ZBBX: variants seen among roughly 807,000 people sequenced by gnomAD.
ZBBX encodes the protein zinc finger B-box domain-containing protein 1.
A neutral mutation model predicts 108.5 loss-of-function variants in ZBBX; 101 were observed. That is an observed-to-expected ratio of 0.93 (90% CI 0.79 to 1.10). The LOEUF (loss-of-function observed/expected upper bound fraction) is 1.10. Ranked by LOEUF, ZBBX falls within the 50% of genes least tolerant of loss-of-function variation. ZBBX has a pLI of 0.00. For missense variants in ZBBX, 1,009 were observed against 941.4 expected (o/e 1.07, Z -0.94); for synonymous variants, 356 against 323.4 (o/e 1.10, Z -1.08).
chr3:167,214,831 A>T, the ZBBX span, among the ~76,000 whole-genome samples: 32 of 152,340 alleles, frequency 2.1e-4, no homozygotes, highest in East Asian at 3.1e-3. Flanking sequence ...AAGACTAAGA[A>T]AATTGCTCAA....
intron 17 of ZBBX, among the ~76,000 whole-genome samples, chr3:167,301,072 C>A (rs1392417456): frequency 1.3e-5 from 2 of 152,104 alleles, no homozygotes; most frequent in African/African-American, 4.8e-5. Context: ...TCTCTCTCTC[C>A]TCCCACTCAT....
At chr3:167,210,237 G>A in the ZBBX span, among the ~76,000 whole-genome samples, 1 of 152,056 alleles carries the variant, frequency 6.6e-6, no homozygotes, top group African/African-American at 2.4e-5. Flanking sequence ...CAGAAATTAT[G>A]GAGTTGAAAA....
chr3:167,312,111 T>C (rs927297456), intron 16 of ZBBX, among the ~76,000 whole-genome samples: 36 of 151,960 alleles, frequency 2.4e-4, no homozygotes, highest in African/African-American at 8.5e-4. Flanking sequence ...CTAAAAGAAA[T>C]GAGAAATCAA....
the ZBBX span, among the ~76,000 whole-genome samples, chr3:167,192,562 G>GT: frequency 6.6e-6 from 1 of 151,984 alleles, no homozygotes; most frequent in East Asian, 1.9e-4. Flanking sequence ...CTCTTTAATC[G>GT]TATCCCTTTC....
intron 8 of ZBBX, among the ~76,000 whole-genome samples, chr3:167,358,935 CAAAAAAAAAAAAAAA>C (rs59753251): frequency 1.5e-4 from 10 of 66,240 alleles, no homozygotes; most frequent in African/African-American, 6.6e-4. Flanking sequence ...GACTCCATCT[CAAAAAAAAAAAAAAA>C]AAAAAAAAAA....
chr3:167,184,600 G>A, the ZBBX span, among the ~76,000 whole-genome samples: 1 of 152,092 alleles, frequency 6.6e-6, no homozygotes, highest in East Asian at 1.9e-4. Flanking sequence ...GTTACATTAA[G>A]CAGCCAGGTC....
At chr3:167,212,844 C>T in the ZBBX span, among the ~76,000 whole-genome samples, 1 of 152,142 alleles carries the variant, frequency 6.6e-6, no homozygotes, top group Non-Finnish European at 1.5e-5. Context: ...AGAGGAGTCA[C>T]AGAACTGAGC....
chr3:167,295,030 A>G (rs1225429292), intron 18 of ZBBX, among the ~76,000 whole-genome samples: 2 of 152,194 alleles, frequency 1.3e-5, no homozygotes, highest in African/African-American at 4.8e-5. Flanking sequence ...ATCATTAAAA[A>G]TTCAGGAAAC....
chr3:167,191,934 T>TATATAGAGAGAGAG, the ZBBX span, among the ~76,000 whole-genome samples: 24 of 130,218 alleles, frequency 1.8e-4, no homozygotes, highest in African/African-American at 7.0e-4. Context: ...TATATATATA[T>TATATAGAGAGAGAG]AGAGCAAGTT....
At chr3:167,246,329 T>C (rs1721566961) in intron 20 of ZBBX, among the ~76,000 whole-genome samples, 1 of 152,256 alleles carries the variant, frequency 6.6e-6, no homozygotes, top group Non-Finnish European at 1.5e-5. Flanking sequence ...TCAAGGGTTA[T>C]CTAGTTAATT....
chr3:167,300,169 A>G (rs928152400), intron 17 of ZBBX, among the ~76,000 whole-genome samples: 3 of 152,130 alleles, frequency 2.0e-5, no homozygotes, highest in Non-Finnish European at 4.4e-5. Flanking sequence ...ACATTATTTT[A>G]TTTATAAAAG....
At chr3:167,348,368 GAA>G (rs1222677422) in intron 9 of ZBBX, among the ~76,000 whole-genome samples, 1 of 111,584 alleles carries the variant, frequency 9.0e-6, no homozygotes. Flanking sequence ...AAGAAAGAAA[GAA>G]AAAAAAGAAA....
intron 20 of ZBBX, among the ~76,000 whole-genome samples, chr3:167,244,449 T>G (rs1721218428): frequency 1.3e-5 from 2 of 152,290 alleles, no homozygotes; most frequent in South Asian, 4.1e-4. Flanking sequence ...TATTATGCAT[T>G]TGAGCTAATT....
intron 20 of ZBBX, among the ~76,000 whole-genome samples, chr3:167,275,792 C>T (rs1300126644): frequency 6.6e-6 from 1 of 152,244 alleles, no homozygotes; most frequent in Non-Finnish European, 1.5e-5. Context: ...TCAAGAAGGC[C>T]TGCCTGCCTC....
chr3:167,393,780 T>C (rs1748149487), intron 1 of ZBBX, among the ~76,000 whole-genome samples: 1 of 151,908 alleles, frequency 6.6e-6, no homozygotes, highest in Non-Finnish European at 1.5e-5. Context: ...TATTGAACTA[T>C]TAGATTACAA....
intron 17 of ZBBX, among the ~76,000 whole-genome samples, chr3:167,301,288 C>A (rs938633137): frequency 6.6e-6 from 1 of 152,198 alleles, no homozygotes; most frequent in African/African-American, 2.4e-5. Context: ...AGACTCTGAT[C>A]AGTTGAGAGT....
intron 20 of ZBBX, among the ~76,000 whole-genome samples, chr3:167,245,961 C>A (rs1252831414): frequency 1.3e-5 from 2 of 152,056 alleles, no homozygotes; most frequent in African/African-American, 4.8e-5. Context: ...AGTGGCAAGA[C>A]AAAGAAATGT....
intron 18 of ZBBX, among the ~76,000 whole-genome samples, chr3:167,290,918 T>A (rs543539315): frequency 1.3e-5 from 2 of 151,908 alleles, no homozygotes; most frequent in African/African-American, 4.8e-5. Context: ...CATACACAAG[T>A]GTCAATAGCT....
At chr3:167,324,945 T>G (rs1737093978) in intron 11 of ZBBX, among the ~76,000 whole-genome samples, 1 of 152,176 alleles carries the variant, frequency 6.6e-6, no homozygotes, top group South Asian at 2.1e-4. Context: ...CTCAATCTCA[T>G]AAACTTTCAA....
Sources: gnomAD v4.1 joint callset for allele counts (sites outside exome capture counted in the v4.1 genomes callset) on GRCh38, gnomAD v4.1.1 for gene constraint, MANE v1.5 for transcripts, NCBI Gene and HGNC (gene_info 2026-07-23, HGNC 2026-07-21) for gene names.